Variants in KRT77 observed in about 807,000 individuals in gnomAD.
KRT77 encodes keratin, type II cytoskeletal 1b.
KRT77 carries 44 observed loss-of-function variants against 51.5 expected under a neutral mutation model. That is an observed-to-expected ratio of 0.85 (90% confidence interval 0.67 to 1.10). KRT77 has a LOEUF of 1.10. KRT77 is among the 50% of genes least tolerant of loss of function. The probability of loss-of-function intolerance (pLI) is 0.00; values close to 1 mark genes in which losing one functional copy is unlikely to be tolerated. For missense variants in KRT77, 763 were observed against 743.9 expected (o/e 1.03, Z -0.30); for synonymous variants, 293 against 302.0 (o/e 0.97, Z 0.31).
chr12:52,703,228 G>A lies in KRT77; in HGVS notation c.207C>T (p.Ser69=), dbSNP rs372099333. 28 of 1,612,760 alleles carry A rather than the reference G, an allele frequency of 1.7e-5. 1 individual carries two copies. In the Admixed American group the frequency reaches 2.3e-4, roughly 13 times the overall value. The change falls in exon 1 of 9, where the codon AGC becomes AGT. Residue 69 remains serine, a synonymous_variant. Transcript: ENST00000341809. ...RSLYNLGGSR[S]ISINLMGRST... is the part of the protein sequence containing the mutation. ...TCCTCCCCATTAGATTAATGGAGAT[G>A]CTTCTACTGCCACCCAGATTGTAGA...
chr12:52,690,651 G>C lies in KRT77; in HGVS notation c.*514C>G, dbSNP rs1386807404. On this transcript the variant is annotated 3_prime_UTR_variant, in exon 9 of 9. Coordinates refer to ENST00000341809, the MANE Select transcript of KRT77 (RefSeq NM_175078.3). ...TTGAGATACCAACTCTCCATTATGC[G>C]CCTTGTCGATGCTCTCTACAGGCTG... 4 of 173,718 alleles carry C rather than the reference G, an allele frequency of 2.3e-5. No homozygotes were observed. The highest frequency in any genetic ancestry group is 9.6e-5 in the African/African-American group (4 of 41,570). The allele number at this position is 173,718 out of a possible 1,614,324, so 10.8% of individuals were successfully genotyped here.
intron 5 of KRT77, chr12:52,693,460 T>C (rs1941747336): frequency 6.6e-6 from 1 of 152,350 alleles, no homozygotes; most frequent in Non-Finnish European, 1.5e-5. Context: ...TATTTTTCAC[T>C]GTTGGCCATC....
At position 52,692,899 on chromosome 12, in the gene KRT77, T is replaced by C. The variant is rs1316451708; in HGVS notation, c.1081-19A>G. On this transcript the variant is annotated intron_variant, in intron 5 of 8. Coordinates refer to ENST00000341809, the MANE Select transcript of KRT77 (RefSeq NM_175078.3). ...CCTGGTACTGGGGCCAAAGGCAGCA[T>C]CATAGTCAGCATGTGCTGCCCACCA... 3.1e-6 allele frequency: 5 copies of C among 1,601,972 alleles called. No individual in the cohort carries two copies. In the South Asian group the frequency reaches 5.5e-5, roughly 18 times the overall value.
intron 1 of KRT77, among the ~76,000 whole-genome samples, chr12:52,702,265 G>A (rs1407860313): frequency 6.6e-6 from 1 of 152,152 alleles, no homozygotes; most frequent in Non-Finnish European, 1.5e-5. Context: ...CAGGACCTGT[G>A]TCCTAGTCAC....
At chr12:52,701,329 C>T (rs1002863693) in intron 1 of KRT77, among the ~76,000 whole-genome samples, 4 of 152,238 alleles carry the variant, frequency 2.6e-5, no homozygotes, top group South Asian at 2.1e-4. Context: ...CACGGGAGCA[C>T]GCTGCTGTGT....
chr12:52,697,320 A>G (rs78994921), intron 2 of KRT77, among the ~76,000 whole-genome samples: 2,912 of 152,366 alleles, frequency 0.019, 97 homozygotes, highest in African/African-American at 0.066. Context: ...TCTACCCACA[A>G]CAATCCAACA....
At chr12:52,694,407 C>T (rs376505894) in intron 5 of KRT77, among the ~76,000 whole-genome samples, 325 of 152,294 alleles carry the variant, frequency 2.1e-3, no homozygotes, top group African/African-American at 7.7e-3. Context: ...GAACCGCAAT[C>T]ACTTTTCCAC....
chr12:52,698,529 T>C (rs1338852860), intron 1 of KRT77, among the ~76,000 whole-genome samples: 1 of 152,238 alleles, frequency 6.6e-6, no homozygotes, highest in Non-Finnish European at 1.5e-5. Flanking sequence ...GTGAGGACTT[T>C]GGGTTGTCAG....
In KRT77 at chr12:52,692,596, C is replaced by G. The variant is rs756468097; in HGVS notation, c.1252G>C (p.Glu418Gln). 4.4e-6 allele frequency: 7 copies of G among 1,604,090 alleles called. No individual in the cohort carries two copies. In the East Asian group the frequency reaches 1.3e-4, roughly 31 times the overall value. ...SLISDAEERG[E>Q]QALQDAWQKL... is the part of the protein sequence containing the mutation. ...TGCCACGCATCCTGGAGGGCCTGCTCGCCTCTCTCCTCAGCATCCGAAATG... is the reference window on the plus strand; with the variant it reads ...TGCCACGCATCCTGGAGGGCCTGCTGGCCTCTCTCCTCAGCATCCGAAATG... Residue 418 changes from glutamate (E) to glutamine (Q), a missense_variant, in exon 7 of 9, where the codon GAG (glutamate) becomes CAG (glutamine). Transcript: ENST00000341809.
chr12:52,696,650 G>A (rs1459367485), intron 2 of KRT77: 8 of 510,268 alleles, frequency 1.6e-5, no homozygotes, highest in Middle Eastern at 5.1e-4. Context: ...GGGGACCCCG[G>A]GCCAACATGG....
chr12:52,694,798 G>A lies in KRT77; in HGVS notation c.916-8C>T. On this transcript the variant is annotated splice_region_variant and splice_polypyrimidine_tract_variant and intron_variant, in intron 4 of 8. Transcript: ENST00000341809. ...CTGCACCTGAGACAGCTCCTGCGAG[G>A]CATGGCGCACAGGCTGACTCCTTCC... 1 of 1,593,880 alleles carries A rather than the reference G, an allele frequency of 6.3e-7. No individual in the cohort carries two copies.
chr12:52,697,994 G>A, intron 1 of KRT77, 98 bp from the exon 2 acceptor site: 1 of 1,419,022 alleles, frequency 7.0e-7, no homozygotes, highest in East Asian at 2.3e-5. Context: ...CCAGACCTCA[G>A]AGAATCAGGA....
chr12:52,698,002 G>T, intron 1 of KRT77, 106 bp from the exon 2 acceptor site: 1 of 1,418,742 alleles, frequency 7.0e-7, no homozygotes, highest in South Asian at 1.2e-5. Flanking sequence ...CAGAGAATCA[G>T]GATGGCTCCT....
intron 1 of KRT77, among the ~76,000 whole-genome samples, chr12:52,700,303 T>A: frequency 6.6e-6 from 1 of 152,178 alleles, no homozygotes; most frequent in East Asian, 1.9e-4. Flanking sequence ...GAGATTACTA[T>A]AAAGAAATAA....
chr12:52,691,847 G>T, intron 8 of KRT77, 91 bp downstream of exon 8: 3 of 1,486,604 alleles, frequency 2.0e-6, no homozygotes, highest in Non-Finnish European at 1.9e-6. Context: ...AAGCTAAAAT[G>T]CCAGACTTTC....
In KRT77 at chr12:52,702,985, G is replaced by A; in HGVS notation, c.450C>T (p.His150=). Residue 150 remains histidine, a synonymous_variant, in exon 1 of 9, where the codon CAC becomes CAT. Transcript: ENST00000341809. ...TINQSLLEPL[H]LEVDPEIQRI... ...TCTGAATTTCAGGGTCCACCTCCAG[G>A]TGAAGTGGCTCTAGGAGGCTCTGGT... 2.5e-6 allele frequency: 4 copies of A among 1,614,046 alleles called. No homozygotes were observed. The highest frequency in any genetic ancestry group is 3.4e-6 in the Non-Finnish European group (4 of 1,180,002).
intron 7 of KRT77, 124 bp from the exon 8 acceptor site, chr12:52,692,096 G>T: frequency 9.4e-7 from 1 of 1,058,718 alleles, no homozygotes. Flanking sequence ...ATGAGCAGAG[G>T]TCAGGAAGCC....
rs769501527 is a variant in KRT77, at chr12:52,691,158, G to C, written c.*7C>G. ...GGCAGGCGTGATGTGTGGCAGAAAC[G>C]AGGCCTCTACTCCAAGATCCGCCTG... On this transcript the variant is annotated 3_prime_UTR_variant, in exon 9 of 9. Coordinates refer to ENST00000341809, the MANE Select transcript of KRT77 (RefSeq NM_175078.3). The C allele has an allele frequency of 6.2e-6, 10 of 1,614,052 alleles. No individual in the cohort carries two copies. The Admixed American group carries it at 1.0e-4, about 16-fold the overall frequency.
Position 52,690,517 on chromosome 12 carries a change from T to G in KRT77, c.*648A>C, listed in dbSNP as rs1941687388. On this transcript the variant is annotated 3_prime_UTR_variant, in exon 9 of 9. Transcript: ENST00000341809. ...TTTTCCTTACCAAGCTAGCTTGCCC[T>G]GCAATCAGCAACTTCCCCCAAAGGG... The G allele has an allele frequency of 6.4e-6, 1 of 156,138 alleles. No individual in the cohort carries two copies. The highest frequency in any genetic ancestry group is 1.4e-5 in the Non-Finnish European group (1 of 70,498). 9.7% of individuals were successfully genotyped at this position (156,138 alleles called of 1,614,324 possible).
Sources: gnomAD v4.1 joint callset for allele counts (sites outside exome capture counted in the v4.1 genomes callset) on GRCh38, gnomAD v4.1.1 for gene constraint, MANE v1.5 for transcripts, NCBI Gene and HGNC (gene_info 2026-07-23, HGNC 2026-07-21) for gene names.